MARCHF1: variants seen among roughly 807,000 people sequenced by gnomAD.
MARCHF1 encodes the protein E3 ubiquitin-protein ligase MARCHF1.
A neutral mutation model predicts 54.2 loss-of-function variants in MARCHF1; 40 were observed. The ratio of observed to expected loss-of-function variants is 0.74; its 90% CI spans 0.57 to 0.96. MARCHF1 has a LOEUF of 0.96. Among genes scored for constraint, MARCHF1 ranks in the 40% least tolerant of loss-of-function variants. The pLI is 0.00. For missense variants in MARCHF1, 586 were observed against 656.5 expected, an observed-to-expected ratio of 0.89 and a Z score of 1.17; for synonymous variants, 236 against 236.3, an observed-to-expected ratio of 1.00 and a Z score of 0.01.
intron 2 of MARCHF1, among the ~76,000 whole-genome samples, chr4:164,016,414 G>T (rs1338146016): frequency 6.6e-6 from 1 of 151,952 alleles, no homozygotes; most frequent in Non-Finnish European, 1.5e-5. Flanking sequence ...CAACACTTGG[G>T]GATTGCAATA....
intron 2 of MARCHF1, among the ~76,000 whole-genome samples, chr4:164,047,412 G>T (rs1046331753): frequency 6.6e-6 from 1 of 152,152 alleles, no homozygotes; most frequent in Non-Finnish European, 1.5e-5. Flanking sequence ...AAACTTAGGA[G>T]CAGAGAAACC....
chr4:163,624,530 C>A (rs1741801963), intron 5 of MARCHF1, among the ~76,000 whole-genome samples: 1 of 152,186 alleles, frequency 6.6e-6, no homozygotes, highest in Non-Finnish European at 1.5e-5. Context: ...TGTAAAAGTT[C>A]TTGTCCCAGG....
chr4:163,672,156 T>A (rs1743759691), intron 5 of MARCHF1, among the ~76,000 whole-genome samples: 1 of 152,228 alleles, frequency 6.6e-6, no homozygotes. Context: ...CTCAGTGCCA[T>A]AATTACTTTA....
intron 1 of MARCHF1, among the ~76,000 whole-genome samples, chr4:164,135,971 T>C (rs1579562458): frequency 6.6e-6 from 1 of 152,166 alleles, no homozygotes; most frequent in Non-Finnish European, 1.5e-5. Flanking sequence ...ATAATAACTT[T>C]AGAAACTTTA....
intron 5 of MARCHF1, among the ~76,000 whole-genome samples, chr4:163,696,236 C>G (rs1744628798): frequency 1.3e-5 from 2 of 152,040 alleles, no homozygotes; most frequent in South Asian, 2.1e-4. Flanking sequence ...GTACAAAGAT[C>G]CAGAGGTAAA....
intron 3 of MARCHF1, among the ~76,000 whole-genome samples, chr4:163,924,566 TA>T (rs1328605645): frequency 1.3e-5 from 2 of 151,966 alleles, no homozygotes; most frequent in Non-Finnish European, 2.9e-5. Flanking sequence ...GCGATTTTAT[TA>T]AAAAATATGT....
intron 7 of MARCHF1, among the ~76,000 whole-genome samples, chr4:163,610,487 T>C (rs1279339459): frequency 6.6e-6 from 1 of 152,076 alleles, no homozygotes; most frequent in East Asian, 1.9e-4. Context: ...ACGACTTTAA[T>C]TGCAAGCATT....
At chr4:164,267,014 T>G (rs1223622032) in intron 1 of MARCHF1, among the ~76,000 whole-genome samples, 2 of 152,116 alleles carry the variant, frequency 1.3e-5, no homozygotes, top group Non-Finnish European at 2.9e-5. Context: ...TACATCACAG[T>G]CCAACATTCA....
intron 1 of MARCHF1, among the ~76,000 whole-genome samples, chr4:164,328,351 A>T (rs1735337148): frequency 6.6e-6 from 1 of 152,172 alleles, no homozygotes; most frequent in African/African-American, 2.4e-5. Flanking sequence ...TATATCAAAA[A>T]TAAGGAGATT....
chr4:164,191,300 T>C (rs1354343381), intron 1 of MARCHF1, among the ~76,000 whole-genome samples: 1 of 152,224 alleles, frequency 6.6e-6, no homozygotes, highest in Non-Finnish European at 1.5e-5. Flanking sequence ...AAATTCATAC[T>C]CTGCATATTA....
At chr4:163,865,745 T>G (rs1367923416) in intron 3 of MARCHF1, among the ~76,000 whole-genome samples, 1 of 151,696 alleles carries the variant, frequency 6.6e-6, no homozygotes, top group Non-Finnish European at 1.5e-5. Context: ...GTTTTATTAT[T>G]TAATATAATA....
intron 1 of MARCHF1, among the ~76,000 whole-genome samples, chr4:164,118,213 G>A (rs946590546): frequency 1.3e-5 from 2 of 151,406 alleles, no homozygotes; most frequent in African/African-American, 4.9e-5. Flanking sequence ...TTTTTATATG[G>A]AAAACATTAA....
At chr4:163,713,405 G>A (rs1007560230) in intron 4 of MARCHF1, among the ~76,000 whole-genome samples, 1 of 152,146 alleles carries the variant, frequency 6.6e-6, no homozygotes, top group African/African-American at 2.4e-5. Context: ...TCCTAGGCAA[G>A]TTACTTATTC....
At chr4:163,532,801 C>G (rs1199914893) in intron 9 of MARCHF1, among the ~76,000 whole-genome samples, 1 of 151,808 alleles carries the variant, frequency 6.6e-6, no homozygotes, top group Non-Finnish European at 1.5e-5. Context: ...CACATTAAAA[C>G]AAGATATCAT....
intron 1 of MARCHF1, among the ~76,000 whole-genome samples, chr4:164,168,211 AC>A (rs894315586): frequency 2.0e-5 from 3 of 151,986 alleles, no homozygotes; most frequent in African/African-American, 7.3e-5. Context: ...ACAAGTTAAA[AC>A]CACTATGAGA....
chr4:164,152,219 T>C (rs1223223714), intron 1 of MARCHF1, among the ~76,000 whole-genome samples: 1 of 152,174 alleles, frequency 6.6e-6, no homozygotes, highest in Non-Finnish European at 1.5e-5. Context: ...AATCAAACCA[T>C]GGGAACCAGA....
At chr4:163,836,854 C>A (rs1446540549) in intron 4 of MARCHF1, among the ~76,000 whole-genome samples, 1 of 151,474 alleles carries the variant, frequency 6.6e-6, no homozygotes, top group Non-Finnish European at 1.5e-5. Context: ...CATTAGCCCC[C>A]TGGAAGCCTC....
At chr4:163,981,121 A>G (rs1752754168) in intron 3 of MARCHF1, among the ~76,000 whole-genome samples, 1 of 150,894 alleles carries the variant, frequency 6.6e-6, no homozygotes, top group African/African-American at 2.4e-5. Context: ...AGCGTTGTGC[A>G]TCCAGTGGTT....
At chr4:163,591,090 T>C (rs1740577637) in intron 7 of MARCHF1, among the ~76,000 whole-genome samples, 2 of 151,726 alleles carry the variant, frequency 1.3e-5, no homozygotes, top group African/African-American at 4.8e-5. Context: ...TTATTGTCAC[T>C]TAATTGATCA....
Sources: gnomAD v4.1 joint callset for allele counts (sites outside exome capture counted in the v4.1 genomes callset) on GRCh38, gnomAD v4.1.1 for gene constraint, MANE v1.5 for transcripts, NCBI Gene and HGNC (gene_info 2026-07-23, HGNC 2026-07-21) for gene names.